The following USP50 variants were observed in gnomAD, a reference collection of about 807,000 sequenced individuals.
USP50 encodes ubiquitin specific peptidase 50, also known as ubiquitin carboxyl-terminal hydrolase 50.
Under a neutral mutation model 39.2 loss-of-function variants are expected in USP50, and 37 were observed. The observed-to-expected ratio is 0.94, with a 90% CI of 0.73 to 1.24. The LOEUF (loss-of-function observed/expected upper bound fraction) is 1.24. Among genes scored for constraint, USP50 ranks in the 50% most tolerant of loss-of-function variants. USP50 has a pLI of 0.00. For synonymous variants in USP50, 139 were observed against 144.5 expected, an observed-to-expected ratio of 0.96 and a Z score of 0.27; for missense variants, 374 against 398.2, an observed-to-expected ratio of 0.94 and a Z score of 0.52.
At chr15:50,503,538 C>T (rs2052619185) in intron 6 of USP50, 2 of 152,192 alleles carry the variant, frequency 1.3e-5, no homozygotes, top group African/African-American at 4.8e-5. Flanking sequence ...GACATTCACC[C>T]TCAATGGAAG....
intron 6 of USP50, among the ~76,000 whole-genome samples, chr15:50,520,342 C>G (rs1275117951): frequency 1.8e-4 from 28 of 151,460 alleles, no homozygotes; most frequent in Admixed American, 1.8e-3. Flanking sequence ...CCTCTGTCAC[C>G]CAGACTGGAG....
At chr15:50,493,827 T>C (rs16963739), downstream of USP50, 18,406 of 649,434 alleles carry the variant, frequency 0.028, 346 homozygotes, top group African/African-American at 0.044. Flanking sequence ...CTCGCTGTCA[T>C]GAACTGGAGC....
At chr15:50,533,962 T>C (rs1186989993) in intron 5 of USP50, among the ~76,000 whole-genome samples, 1 of 152,122 alleles carries the variant, frequency 6.6e-6, no homozygotes, top group East Asian at 1.9e-4. Flanking sequence ...ATCATGCCAC[T>C]GCCCTCCAGG....
At chr15:50,541,456 T>A (rs568040367) in intron 3 of USP50, among the ~76,000 whole-genome samples, 192 bp from the exon 4 acceptor site, 1 of 152,078 alleles carries the variant, frequency 6.6e-6, no homozygotes, top group South Asian at 2.1e-4. Flanking sequence ...GAGACTGCAG[T>A]GAGCCGTGTT....
intron 5 of USP50, among the ~76,000 whole-genome samples, chr15:50,533,169 A>G (rs1282358202): frequency 4.0e-5 from 6 of 151,764 alleles, no homozygotes; most frequent in Non-Finnish European, 7.4e-5. Flanking sequence ...CTAAAAAAAA[A>G]AGAAACAAAG....
intron 1 of USP50, among the ~76,000 whole-genome samples, chr15:50,545,965 TAAGCTACA>T: frequency 6.6e-6 from 1 of 151,232 alleles, no homozygotes; most frequent in East Asian, 1.9e-4. Context: ...TCCTTCCCAG[TAAGCTACA>T]GGATTAGAGT....
Position 50,546,516 on chromosome 15 carries a change from G to A in USP50, c.10C>T (p.Gln4Ter), listed in dbSNP as rs943941593. 14 of 1,613,560 alleles carry A rather than the reference G, an allele frequency of 8.7e-6. No homozygotes were observed. The African/African-American group carries it at 1.7e-4, about 20-fold the overall frequency. The part of the protein sequence containing the change: MTS[Q>*]PSLPADDFDI... ...AAGTCATCTGCAGGGAGAGACGGCT[G>A]AGAAGTCATTTTAATGGAACCACGT... The change falls in exon 1 of 7, where the codon CAG (glutamine) becomes TAG (stop). Residue 4 changes from glutamine to a stop codon, truncating the protein, a stop_gained. Coordinates refer to ENST00000532404, the MANE Select transcript of USP50 (RefSeq NM_203494.5). LOFTEE classifies it high-confidence loss of function.
chr15:50,497,307 T>C (rs1427385316), downstream of USP50: 5 of 1,504,686 alleles, frequency 3.3e-6, no homozygotes, highest in Non-Finnish European at 4.4e-6. Context: ...TTTATACTTG[T>C]TGTACTGCCT....
chr15:50,546,323 T>G, intron 1 of USP50, 150 bp downstream of exon 1: 1 of 718,442 alleles, frequency 1.4e-6, no homozygotes, highest in South Asian at 1.7e-5. Context: ...TGCCAAGATA[T>G]TAGGTACAAT....
At chr15:50,516,970 G>A (rs1349337218) in intron 6 of USP50, among the ~76,000 whole-genome samples, 2 of 152,060 alleles carry the variant, frequency 1.3e-5, no homozygotes, top group Non-Finnish European at 2.9e-5. Flanking sequence ...AGTAACAGTA[G>A]GAGACTTCAA....
chr15:50,536,648 T>A (rs940316456), intron 5 of USP50, among the ~76,000 whole-genome samples: 3 of 151,880 alleles, frequency 2.0e-5, no homozygotes, highest in East Asian at 3.9e-4. Context: ...CTCAAAAAAA[T>A]TTTAATTTAA....
At chr15:50,495,632 A>G (rs2052367114), downstream of USP50, among the ~76,000 whole-genome samples, 1 of 152,054 alleles carries the variant, frequency 6.6e-6, no homozygotes, top group Admixed American at 6.6e-5. Context: ...AAATTTGGGA[A>G]ATTTCAACAA....
intron 6 of USP50, among the ~76,000 whole-genome samples, chr15:50,518,502 C>T (rs1020406784): frequency 3.3e-5 from 5 of 152,004 alleles, no homozygotes; most frequent in African/African-American, 4.8e-5. Context: ...TGAGCCACTG[C>T]GCCCAGCCCA....
chr15:50,493,687 G>A, downstream of USP50: 1 of 371,086 alleles, frequency 2.7e-6, no homozygotes, highest in Non-Finnish European at 5.2e-6. Flanking sequence ...CAAGGCTGCA[G>A]TGAGCCGTGA....
At chr15:50,500,938 T>C (rs2052574119) in intron 6 of USP50, 101 bp from the exon 7 acceptor site, 1 of 993,522 alleles carries the variant, frequency 1.0e-6, no homozygotes, top group East Asian at 2.7e-5. Context: ...TTGTCCCTTA[T>C]TCTAAATTAA....
intron 6 of USP50, chr15:50,514,124 C>A (rs1384357173): frequency 2.0e-5 from 3 of 152,040 alleles, no homozygotes; most frequent in Admixed American, 2.0e-4. Flanking sequence ...TATGGATGAA[C>A]ATTACATAAT....
intron 5 of USP50, chr15:50,532,125 TC>T: frequency 2.2e-6 from 1 of 456,236 alleles, no homozygotes; most frequent in Non-Finnish European, 4.4e-6. Flanking sequence ...AGTTAAAAAC[TC>T]CAAAGAATCC....
At chr15:50,534,786 T>C (rs2052966783) in intron 5 of USP50, among the ~76,000 whole-genome samples, 1 of 152,194 alleles carries the variant, frequency 6.6e-6, no homozygotes, top group African/African-American at 2.4e-5. Context: ...GGGATCACTT[T>C]TTCAAGAAGA....
At chr15:50,540,925 AT>A (rs112406642) in intron 4 of USP50, 123 bp downstream of exon 4, 760 of 723,598 alleles carry the variant, frequency 1.1e-3, no homozygotes, top group Middle Eastern at 1.9e-3. Flanking sequence ...CACTCAGTCT[AT>A]TTTTTTTTAA....
Sources: allele counts gnomAD v4.1 joint callset (sites outside exome capture counted in the v4.1 genomes callset), GRCh38; gene constraint gnomAD v4.1.1; transcripts MANE v1.5; gene names NCBI Gene and HGNC (gene_info 2026-07-23, HGNC 2026-07-21).